Variants in ALDH1A3 observed in about 807,000 individuals in gnomAD.
ALDH1A3 encodes retinaldehyde dehydrogenase 3.
ALDH1A3 carries 28 observed loss-of-function variants against 57.5 expected under a neutral mutation model. The observed-to-expected ratio is 0.49, with a 90% CI of 0.36 to 0.67. The LOEUF is 0.67. Among genes scored for constraint, ALDH1A3 ranks in the 30% least tolerant of loss-of-function variants. The pLI, the probability that ALDH1A3 is intolerant of heterozygous loss-of-function variation, is 0.00. For synonymous variants in ALDH1A3, 281 were observed against 264.8 expected (o/e 1.06, Z -0.59); for missense variants, 507 against 669.4 (o/e 0.76, Z 2.68).
chr15:100,884,834 G>T (rs141127756), intron 1 of ALDH1A3, among the ~76,000 whole-genome samples: 1 of 152,074 alleles, frequency 6.6e-6, no homozygotes, highest in African/African-American at 2.4e-5. Context: ...TGCTCGGTGC[G>T]TCCTTACCCT....
rs1422193527 is a variant in ALDH1A3, at chr15:100,885,265, A to G, written c.100-2A>G. 10 of 1,602,562 alleles carry G rather than the reference A, an allele frequency of 6.2e-6. No individual in the cohort carries two copies. The highest frequency in any genetic ancestry group is 8.5e-6 in the Non-Finnish European group (10 of 1,169,628). Reference sequence around the variant, plus strand: ...ATTGGTTACACTTCCTTTCCTGGTTAGATATTTATCAACAATGAATGGCAC... The same window carrying G: ...ATTGGTTACACTTCCTTTCCTGGTTGGATATTTATCAACAATGAATGGCAC... On this transcript the variant is annotated splice_acceptor_variant, in intron 1 of 12. Transcript: ENST00000329841. LOFTEE classifies it high-confidence loss of function.
chr15:100,903,379 G>A (rs1034034671), intron 9 of ALDH1A3, among the ~76,000 whole-genome samples: 7 of 152,130 alleles, frequency 4.6e-5, no homozygotes, highest in Admixed American at 3.9e-4. Context: ...CCAGTCCATG[G>A]GAACCTGCCT....
chr15:100,908,578 G>T, intron 12 of ALDH1A3, 96 bp downstream of exon 12: 9 of 1,114,330 alleles, frequency 8.1e-6, no homozygotes, highest in South Asian at 4.0e-5. Context: ...CTGACACCCC[G>T]TCCCCCCCAC....
intron 4 of ALDH1A3, 67 bp downstream of exon 4, chr15:100,892,706 G>GC (rs1397415790): frequency 1.7e-4 from 267 of 1,541,242 alleles, no homozygotes; most frequent in Non-Finnish European, 2.2e-4. Flanking sequence ...TTAATCCAGA[G>GC]CCCCCCCTGA....
intron 1 of ALDH1A3, 151 bp from the exon 2 acceptor site, chr15:100,885,116 C>T (rs934359730): frequency 2.1e-5 from 13 of 610,920 alleles, no homozygotes; most frequent in African/African-American, 1.8e-4. Flanking sequence ...TGTTCCCCTC[C>T]GGGTCTCATC....
intron 12 of ALDH1A3, 72 bp from the exon 13 acceptor site, chr15:100,914,629 C>A (rs1201700812): frequency 1.0e-5 from 15 of 1,437,892 alleles, no homozygotes; most frequent in East Asian, 2.3e-5. Context: ...AATGATGAAG[C>A]CTCAGAACAG....
rs28385499 is a variant in ALDH1A3, at chr15:100,887,396, G to A, written c.205-176G>A. 1.5e-4 allele frequency among the ~76,000 whole-genome samples: 20 copies of A among 132,082 alleles called. No homozygotes were observed. The highest frequency in any genetic ancestry group is 3.8e-4 in the Admixed American group (5 of 13,116). 86.7% of individuals were successfully genotyped at this position (132,082 alleles called of 152,430 possible). Reference sequence around the variant, plus strand: ...TGCAGTCACCTCAAAAGATGACACCGAAACTGCAGTCACTTCAAAAGATGA... The same window carrying A: ...TGCAGTCACCTCAAAAGATGACACCAAAACTGCAGTCACTTCAAAAGATGA... On this transcript the variant is annotated intron_variant, in intron 2 of 12. Transcript: ENST00000329841. This position sits in a 1 kb window ranked among gnomAD's most constrained non-coding sequence, Gnocchi z 4.6.
chr15:100,907,009 A>G, intron 10 of ALDH1A3, 112 bp from the exon 11 acceptor site: 1 of 1,195,950 alleles, frequency 8.4e-7, no homozygotes, highest in Non-Finnish European at 1.2e-6. Flanking sequence ...TTTTTCAGGC[A>G]TGTGTGTGCT....
rs2041619604 is a variant in ALDH1A3 at position 100,888,568 on chromosome 15, C to T, written c.345+856C>T. The stretch of plus-strand genomic sequence containing the variant: ...TCCCATGTGACCTAAAATCATTCCT[C>T]AGTCACCCCTGAACTGGCTAGTAGC... On this transcript the variant is annotated intron_variant, in intron 3 of 12. Coordinates refer to ENST00000329841, the MANE Select transcript of ALDH1A3 (RefSeq NM_000693.4). 3 of 152,286 alleles carry T rather than the reference C, an allele frequency of 2.0e-5. No homozygotes were observed. The South Asian group carries it at 6.2e-4, about 32-fold the overall frequency. The allele number at this position is 152,286 out of a possible 1,614,324, so 9.4% of individuals were successfully genotyped here.
At chr15:100,909,930 A>G (rs577849629) in intron 12 of ALDH1A3, among the ~76,000 whole-genome samples, 6 of 152,350 alleles carry the variant, frequency 3.9e-5, no homozygotes, top group Non-Finnish European at 8.8e-5. Flanking sequence ...TGTCCTATTT[A>G]TATACAAATG....
rs779264510 is a variant in ALDH1A3 at position 100,887,990 on chromosome 15, T to G, written c.345+278T>G. 1.3e-5 allele frequency among the ~76,000 whole-genome samples: 2 copies of G among 152,224 alleles called. No homozygotes were observed. Among genetic ancestry groups the G allele is most frequent in the Non-Finnish European group, 2.9e-5 (2 of 68,040 alleles). On this transcript the variant is annotated intron_variant, in intron 3 of 12. Coordinates refer to ENST00000329841, the MANE Select transcript of ALDH1A3 (RefSeq NM_000693.4). The surrounding 1 kb of genome is among the most constrained non-coding windows in gnomAD (Gnocchi z 4.6). ...TGAGCTACATCAGTGGTCTCAGACT[T>G]GGGGCACTCACAGATTGGTGACCAT... is the stretch of plus-strand genomic sequence containing the variant.
rs1567167445 is a variant in ALDH1A3, at chr15:100,885,331, C to T, written c.164C>T (p.Ser55Leu). ...AAAAAGTTTGCTACATGTAACCCTT[C>T]AACTCGGGAGCAAATATGTGAAGTG... Reference protein sequence around the residue: ...SGKKFATCNPSTREQICEVEE... With the variant: ...SGKKFATCNPLTREQICEVEE... The change falls in exon 2 of 13, where the codon TCA (serine) becomes TTA (leucine). Residue 55 changes from serine to leucine, a missense_variant. Physicochemically the swap from Ser to Leu is moderately radical, Grantham distance 145 (BLOSUM62 -2). Around this residue, in one of 2 missense-constraint regions of ALDH1A3, gnomAD observed 432 missense variants for 608.4 expected, o/e 0.71. Coordinates refer to ENST00000329841, the MANE Select transcript of ALDH1A3 (RefSeq NM_000693.4). The T allele has an allele frequency of 6.2e-7, 1 of 1,613,812 alleles. No individual in the cohort carries two copies. Among genetic ancestry groups the T allele is most frequent in the Non-Finnish European group, 8.5e-7 (1 of 1,179,666 alleles).
intron 9 of ALDH1A3, among the ~76,000 whole-genome samples, chr15:100,901,575 G>T (rs2041769084): frequency 6.6e-6 from 1 of 152,244 alleles, no homozygotes; most frequent in South Asian, 2.1e-4. Context: ...TCTGAGCTCA[G>T]ATTTGGCCCT....
Position 100,893,764 on chromosome 15 carries a change from C to A in ALDH1A3, c.538-190C>A, listed in dbSNP as rs2141556125. On this transcript the variant is annotated intron_variant, in intron 5 of 12. Transcript: ENST00000329841. The surrounding 1 kb of genome is among the most constrained non-coding windows in gnomAD (Gnocchi z 4.8). The stretch of plus-strand genomic sequence containing the variant: ...TCTTTGCAAAGGCTGCCTATTAGTA[C>A]CACCCAGAATGCAGTTTAGGAAGTG... The A allele has an allele frequency of 3.0e-6, 2 of 662,300 alleles. No individual in the cohort carries two copies. The highest frequency in any genetic ancestry group is 4.4e-4 in the Middle Eastern group (1 of 2,270). The allele number at this position is 662,300 out of a possible 1,614,324, so 41.0% of individuals were successfully genotyped here. A position where few individuals can be genotyped will look rare whatever the true frequency, so the allele number is the denominator to read the frequency against.
chr15:100,885,273 A>G lies in ALDH1A3; in HGVS notation c.106A>G (p.Ile36Val), dbSNP rs776335874. ...NLEVKFTKIF[I>V]NNEWHESKSG... ...CACTTCCTTTCCTGGTTAGATATTT[A>G]TCAACAATGAATGGCACGAATCCAA... Residue 36 changes from isoleucine (I) to valine (V), a missense_variant, in exon 2 of 13, where the codon ATC becomes GTC. This residue lies in a region of ALDH1A3 where 75 missense variants were observed against 61.0 expected (regional missense o/e 1.23). Transcript: ENST00000329841. 5.0e-6 allele frequency: 8 copies of G among 1,610,594 alleles called. No homozygotes were observed. The highest frequency in any genetic ancestry group is 6.8e-6 in the Non-Finnish European group (8 of 1,176,784).
intron 8 of ALDH1A3, among the ~76,000 whole-genome samples, chr15:100,899,668 C>G (rs1473482202): frequency 6.6e-6 from 1 of 152,182 alleles, no homozygotes; most frequent in African/African-American, 2.4e-5. Flanking sequence ...AAGTTGGGAC[C>G]TGGCCCAGCC....
At chr15:100,905,936 T>G (rs2041818318) in intron 10 of ALDH1A3, among the ~76,000 whole-genome samples, 1 of 152,128 alleles carries the variant, frequency 6.6e-6, no homozygotes, top group South Asian at 2.1e-4. Context: ...TCTAGCTAGT[T>G]TTCACTCATG....
chr15:100,891,883 G>T (rs2041653310), intron 3 of ALDH1A3, among the ~76,000 whole-genome samples: 1 of 152,258 alleles, frequency 6.6e-6, no homozygotes, highest in Non-Finnish European at 1.5e-5. Flanking sequence ...TCCCTCACCA[G>T]CAGGGCAGTC....
intron 6 of ALDH1A3, 42 bp from the exon 7 acceptor site, chr15:100,895,891 G>C: frequency 6.6e-7 from 1 of 1,523,168 alleles, no homozygotes; most frequent in African/African-American, 1.4e-5. Flanking sequence ...CGTGGTGGAT[G>C]AAGTCCGTTC....
Sources: gnomAD v4.1 joint callset for allele counts (sites outside exome capture counted in the v4.1 genomes callset) on GRCh38, gnomAD v4.1.1 for gene constraint, gnomAD v4.1.1 regional missense constraint, Gnocchi (gnomAD v3.1) non-coding constraint, MANE v1.5 for transcripts, NCBI Gene and HGNC (gene_info 2026-07-23, HGNC 2026-07-21) for gene names.